ZNF385A: variants seen among roughly 807,000 people sequenced by gnomAD.
ZNF385A encodes the protein zinc finger protein 385A.
In ZNF385A, 14 loss-of-function variants were observed where a neutral mutation model predicts 32.1. That is an observed-to-expected ratio of 0.44 (90% CI 0.29 to 0.68). The LOEUF (loss-of-function observed/expected upper bound fraction) is 0.68, where lower values mean the gene tolerates loss of function less well. ZNF385A is among the 30% of genes least tolerant of loss of function. ZNF385A has a pLI of 0.14. For missense variants in ZNF385A, 406 were observed against 478.4 expected, an observed-to-expected ratio of 0.85 and a Z score of 1.41; for synonymous variants, 197 against 202.7, an observed-to-expected ratio of 0.97 and a Z score of 0.24.
intron 1 of ZNF385A, among the ~76,000 whole-genome samples, chr12:54,383,612 C>A (rs185303589): frequency 1.3e-5 from 2 of 152,118 alleles, no homozygotes; most frequent in Non-Finnish European, 2.9e-5. Context: ...TAGACAGTGG[C>A]GGCTGGGTGT....
rs1225002181 is a variant in ZNF385A, at chr12:54,370,661, G to A, written c.835C>T (p.Arg279Cys). The A allele has an allele frequency of 1.2e-6, 2 of 1,605,850 alleles. No homozygotes were observed. Among genetic ancestry groups the A allele is most frequent in the African/African-American group, 1.3e-5 (1 of 74,806 alleles). The part of the protein sequence containing the change: ...VAGKPNPLLS[R>C]HKKSRGAGEL... ...CCGGCGCCCCTAGACTTCTTGTGAC[G>A]GCTCAGTAGTGGGTTGGGCTTCCCG... Residue 279 changes from arginine to cysteine, a missense_variant, in exon 6 of 7, where the codon CGT (arginine) becomes TGT (cysteine). Physicochemically the swap from Arg to Cys is radical, Grantham distance 180 (BLOSUM62 -3). Transcript: ENST00000394313. The surrounding 1 kb of genome is among the most constrained non-coding windows in gnomAD (Gnocchi z 5.5).
rs368471368 is a variant in ZNF385A at position 54,371,457 on chromosome 12, G to T, written c.604+16C>A. The T allele has an allele frequency of 1.2e-5, 19 of 1,598,504 alleles. No individual in the cohort carries two copies. The highest frequency in any genetic ancestry group is 4.4e-5 in the South Asian group (4 of 90,258). Reference sequence around the variant, plus strand: ...TGAGGACAGGAGAGTCTGGGTGGGGGCAGGGGAGTCCATACCTTTGTTATG... The same window carrying T: ...TGAGGACAGGAGAGTCTGGGTGGGGTCAGGGGAGTCCATACCTTTGTTATG... On this transcript the variant is annotated intron_variant, in intron 4 of 6. Coordinates refer to ENST00000394313, the MANE Select transcript of ZNF385A (RefSeq NM_015481.3).
At chr12:54,379,057 G>C in intron 1 of ZNF385A, 25 of 984,238 alleles carry the variant, frequency 2.5e-5, no homozygotes, top group Non-Finnish European at 2.8e-5. Context: ...GAGGGGCCGG[G>C]TGGCTTACCC....
intron 1 of ZNF385A, among the ~76,000 whole-genome samples, chr12:54,390,882 C>G (rs1233610963): frequency 6.6e-6 from 1 of 151,908 alleles, no homozygotes; most frequent in Non-Finnish European, 1.5e-5. Context: ...GAACCTTTCC[C>G]CCAACTCCAC....
chr12:54,389,429 A>T (rs1173610553), upstream of ZNF385A, among the ~76,000 whole-genome samples: 1 of 152,208 alleles, frequency 6.6e-6, no homozygotes, highest in Admixed American at 6.5e-5. Context: ...GGGCTTTGCC[A>T]GACTTCCCGC....
At chr12:54,384,386 G>A (rs371239528) in intron 1 of ZNF385A, 42 bp downstream of exon 1, 112 of 1,537,928 alleles carry the variant, frequency 7.3e-5, no homozygotes, top group African/African-American at 2.1e-4. Context: ...GAGAAAGGTC[G>A]GGTCACAAGA....
At chr12:54,390,881 C>A (rs756694161) in intron 1 of ZNF385A, among the ~76,000 whole-genome samples, 77 of 152,016 alleles carry the variant, frequency 5.1e-4, no homozygotes, top group Non-Finnish European at 8.8e-4. Context: ...AGAACCTTTC[C>A]CCCAACTCCA....
chr12:54,372,627 C>T (rs1954613143), intron 3 of ZNF385A, among the ~76,000 whole-genome samples: 1 of 152,220 alleles, frequency 6.6e-6, no homozygotes, highest in Admixed American at 6.5e-5. Context: ...GTGTAAAGTG[C>T]TATTCAAGAA....
At chr12:54,376,424 C>T (rs1256846919) in intron 1 of ZNF385A, among the ~76,000 whole-genome samples, 3 of 152,136 alleles carry the variant, frequency 2.0e-5, no homozygotes, top group African/African-American at 7.2e-5. Flanking sequence ...ATCACCAAGC[C>T]CAGCCTCTAG....
rs190388246 is a variant in ZNF385A, at chr12:54,369,351, A to C, written c.*905T>G. 4.4e-3 allele frequency: 673 copies of C among 151,426 alleles called. 1 individual carries two copies. Among genetic ancestry groups the C allele is most frequent in the Non-Finnish European group, 7.6e-3 (516 of 67,822 alleles). The allele number at this position is 151,426 out of a possible 1,614,324, so 9.4% of individuals were successfully genotyped here. ...GGGAGAGGTGTCACACCCCCGCCCGAGTTGTGCAGTGGAGGTGACTGGTGG... is the reference window on the plus strand; with the variant it reads ...GGGAGAGGTGTCACACCCCCGCCCGCGTTGTGCAGTGGAGGTGACTGGTGG... On this transcript the variant is annotated 3_prime_UTR_variant, in exon 7 of 7. Coordinates refer to ENST00000394313, the MANE Select transcript of ZNF385A (RefSeq NM_015481.3).
At chr12:54,379,646 A>AAACT (rs1479707371) in intron 1 of ZNF385A, among the ~76,000 whole-genome samples, 3 of 152,080 alleles carry the variant, frequency 2.0e-5, no homozygotes, top group African/African-American at 7.2e-5. Context: ...TAGGGATGGG[A>AAACT]AACTGAACCC....
At position 54,370,167 on chromosome 12, in the gene ZNF385A, A is replaced by C; in HGVS notation, c.*89T>G. On this transcript the variant is annotated 3_prime_UTR_variant, in exon 7 of 7. Transcript: ENST00000394313. This position sits in a 1 kb window ranked among gnomAD's most constrained non-coding sequence, Gnocchi z 5.5. ...GGGGGGAAGGAGAGATCATTTAGGGAGTGCCGGGAGGAGGGGCGGGCTGGG... is the reference window on the plus strand; with the variant it reads ...GGGGGGAAGGAGAGATCATTTAGGGCGTGCCGGGAGGAGGGGCGGGCTGGG... 3 of 913,300 alleles carry C rather than the reference A, an allele frequency of 3.3e-6. No individual in the cohort carries two copies. Among genetic ancestry groups the C allele is most frequent in the Non-Finnish European group, 4.7e-6 (3 of 644,358 alleles). The allele number at this position is 913,300 out of a possible 1,614,324, so 56.6% of individuals were successfully genotyped here. A position where few individuals can be genotyped will look rare whatever the true frequency, so the allele number is the denominator to read the frequency against.
Position 54,370,430 on chromosome 12 carries a change from G to A in ZNF385A, c.927C>T (p.Pro309=), listed in dbSNP as rs1001577662. 2 of 1,549,740 alleles carry A rather than the reference G, an allele frequency of 1.3e-6. No homozygotes were observed. Among genetic ancestry groups the A allele is most frequent in the Non-Finnish European group, 1.7e-6 (2 of 1,145,918 alleles). ...LPKSLAGGLL[P]SPLAVAAVMA... is the part of the protein sequence containing the mutation. ...TCACTGCAGCCACCGCCAGGGGGCT[G>A]GGGAGCAGGCCGCCCGCCAGGGACT... The change falls in exon 7 of 7, where the codon CCC becomes CCT. Residue 309 remains proline (P), a synonymous_variant. Transcript: ENST00000394313. The surrounding 1 kb of genome is among the most constrained non-coding windows in gnomAD (Gnocchi z 5.5).
Position 54,371,457 on chromosome 12 carries a change from G to A in ZNF385A, c.604+16C>T, listed in dbSNP as rs368471368. 3 of 1,598,504 alleles carry A rather than the reference G, an allele frequency of 1.9e-6. No homozygotes were observed. The highest frequency in any genetic ancestry group is 3.5e-5 in the Admixed American group (2 of 57,004). ...TGAGGACAGGAGAGTCTGGGTGGGG[G>A]CAGGGGAGTCCATACCTTTGTTATG... is the stretch of plus-strand genomic sequence containing the variant. On this transcript the variant is annotated intron_variant, in intron 4 of 6. Transcript: ENST00000394313.
intron 1 of ZNF385A, among the ~76,000 whole-genome samples, chr12:54,378,402 C>T (rs1055525010): frequency 6.6e-6 from 1 of 152,088 alleles, no homozygotes; most frequent in Non-Finnish European, 1.5e-5. Context: ...TAAAACAGTC[C>T]CCTCCCACCT....
At chr12:54,375,750 A>C (rs1046867903) in intron 2 of ZNF385A, 94 bp downstream of exon 2, 8 of 1,044,032 alleles carry the variant, frequency 7.7e-6, no homozygotes, top group Non-Finnish European at 1.2e-5. Flanking sequence ...CCCCTCAACC[A>C]GAGTAAGTGT....
upstream of ZNF385A, among the ~76,000 whole-genome samples, chr12:54,389,001 G>A (rs993516781): frequency 2.0e-5 from 3 of 152,150 alleles, no homozygotes; most frequent in African/African-American, 7.2e-5. Context: ...ATGTGGGCGG[G>A]GACTGGGCCT....
chr12:54,372,094 A>G (rs1954584968), intron 3 of ZNF385A, among the ~76,000 whole-genome samples: 1 of 152,180 alleles, frequency 6.6e-6, no homozygotes. Context: ...AGTCTTGCCC[A>G]GCCCCCAGGA....
At chr12:54,382,121 G>T (rs1288574059) in intron 1 of ZNF385A, among the ~76,000 whole-genome samples, 1 of 150,522 alleles carries the variant, frequency 6.6e-6, no homozygotes, top group Non-Finnish European at 1.5e-5. Flanking sequence ...AGGCTGGAGT[G>T]CAGTGGCGCA....
Sources: allele counts gnomAD v4.1 joint callset (sites outside exome capture counted in the v4.1 genomes callset), GRCh38; gene constraint gnomAD v4.1.1; non-coding constraint Gnocchi (gnomAD v3.1); transcripts MANE v1.5; gene names NCBI Gene and HGNC (gene_info 2026-07-23, HGNC 2026-07-21).